The following SLC24A2 variants were observed in gnomAD, a reference collection of about 807,000 sequenced individuals.
SLC24A2 encodes solute carrier family 24 member 2, also known as sodium/potassium/calcium exchanger 2.
In SLC24A2, 36 loss-of-function variants were observed where a neutral mutation model predicts 62.0. The observed-to-expected ratio is 0.58, with a 90% CI of 0.44 to 0.77. The LOEUF (loss-of-function observed/expected upper bound fraction) is 0.77. SLC24A2 is among the 30% of genes least tolerant of loss of function. The probability of loss-of-function intolerance (pLI) is 0.00; values close to 1 mark genes in which losing one functional copy is unlikely to be tolerated. For missense variants in SLC24A2, 846 were observed against 817.9 expected (o/e 1.03, Z -0.42); for synonymous variants, 358 against 294.0 (o/e 1.22, Z -2.23).
chr9:19,755,433 C>T (rs934640291), intron 2 of SLC24A2, among the ~76,000 whole-genome samples: 5 of 152,032 alleles, frequency 3.3e-5, no homozygotes, highest in Non-Finnish European at 5.9e-5. Flanking sequence ...TTGGGAGCAA[C>T]CTTGAAGAAC....
the SLC24A2 span, among the ~76,000 whole-genome samples, chr9:19,820,574 G>T: frequency 6.6e-6 from 1 of 151,690 alleles, no homozygotes; most frequent in Admixed American, 6.6e-5. Context: ...TAAAGAGTTA[G>T]GGACTTCAGA....
chr9:20,048,965 A>G, the SLC24A2 span, among the ~76,000 whole-genome samples: 2 of 151,066 alleles, frequency 1.3e-5, no homozygotes, highest in African/African-American at 4.9e-5. Flanking sequence ...AAGTTTTAGG[A>G]TACATGTGCA....
intron 2 of SLC24A2, among the ~76,000 whole-genome samples, chr9:19,626,967 T>G (rs900743528): frequency 7.2e-5 from 11 of 152,238 alleles, no homozygotes; most frequent in African/African-American, 2.7e-4. Flanking sequence ...TCTTTCTCCC[T>G]CCTTTTACTT....
chr9:19,767,596 C>T (rs1822557279), intron 2 of SLC24A2, among the ~76,000 whole-genome samples: 1 of 152,076 alleles, frequency 6.6e-6, no homozygotes. Context: ...AAGGTGATGC[C>T]CCACCCTGCT....
the SLC24A2 span, among the ~76,000 whole-genome samples, chr9:20,285,667 A>C: frequency 2.6e-5 from 4 of 152,236 alleles, no homozygotes; most frequent in Non-Finnish European, 5.9e-5. Flanking sequence ...AAATGTACCC[A>C]GAATGTTTGA....
the SLC24A2 span, among the ~76,000 whole-genome samples, chr9:20,161,288 G>C: frequency 6.6e-6 from 1 of 151,284 alleles, no homozygotes; most frequent in Non-Finnish European, 1.5e-5. Context: ...CTTTCATAGA[G>C]GAATTCTAAT....
At chr9:19,736,999 G>C (rs987901454) in intron 2 of SLC24A2, among the ~76,000 whole-genome samples, 50 of 152,212 alleles carry the variant, frequency 3.3e-4, no homozygotes, top group African/African-American at 1.2e-3. Context: ...TGCAAATATA[G>C]TGGGAAATTT....
At chr9:19,847,800 T>C in the SLC24A2 span, among the ~76,000 whole-genome samples, 1 of 152,286 alleles carries the variant, frequency 6.6e-6, no homozygotes, top group South Asian at 2.1e-4. Flanking sequence ...CCTTGTGATT[T>C]TGACTATTTT....
intron 9 of SLC24A2, among the ~76,000 whole-genome samples, chr9:19,526,573 GT>G (rs540447049): frequency 1.3e-3 from 194 of 152,190 alleles, no homozygotes; most frequent in Admixed American, 3.9e-3. Flanking sequence ...TCTTGTTATG[GT>G]TTTGATTTAC....
the SLC24A2 span, among the ~76,000 whole-genome samples, chr9:19,977,585 C>T: frequency 2.0e-5 from 3 of 152,024 alleles, no homozygotes; most frequent in South Asian, 2.1e-4. Flanking sequence ...TTAACTTGGG[C>T]GTGACTTGCT....
At chr9:19,686,627 G>T (rs1273434569) in intron 2 of SLC24A2, among the ~76,000 whole-genome samples, 1 of 151,974 alleles carries the variant, frequency 6.6e-6, no homozygotes, top group East Asian at 1.9e-4. Context: ...TTTTATAAGG[G>T]GCTTTCTTCC....
chr9:19,507,918 A>G lies in SLC24A2; in HGVS notation c.*8235T>C, dbSNP rs1158630413. 3 of 152,242 alleles carry G rather than the reference A, an allele frequency of 2.0e-5. No homozygotes were observed. Among genetic ancestry groups the G allele is most frequent in the African/African-American group, 7.2e-5 (3 of 41,464 alleles). 9.4% of individuals were successfully genotyped at this position (152,242 alleles called of 1,614,324 possible). A position where few individuals can be genotyped will look rare whatever the true frequency, so the allele number is the denominator to read the frequency against. On this transcript the variant is annotated 3_prime_UTR_variant, in exon 11 of 11. Transcript: ENST00000341998. Reference sequence around the variant, plus strand: ...ACAAAAATGGCATTCTGATATTTTTAACATAACCTGTCTAAAAGACAGTTT... The same window carrying G: ...ACAAAAATGGCATTCTGATATTTTTGACATAACCTGTCTAAAAGACAGTTT...
At chr9:19,934,259 C>T in the SLC24A2 span, among the ~76,000 whole-genome samples, 14 of 152,298 alleles carry the variant, frequency 9.2e-5, no homozygotes, top group Non-Finnish European at 1.8e-4. This position sits in a 1 kb window ranked among gnomAD's most constrained non-coding sequence, Gnocchi z 4.1. Context: ...ACGGGGTGGC[C>T]GGGCCTCAAA....
At chr9:19,584,273 T>TAAAAAAAAAAAAA (rs5896848) in intron 5 of SLC24A2, among the ~76,000 whole-genome samples, 7 of 119,898 alleles carry the variant, frequency 5.8e-5, no homozygotes, top group East Asian at 2.5e-4. Context: ...TAGCAAATAG[T>TAAAAAAAAAAAAA]AAAAAAAAAA....
chr9:19,636,554 C>T (rs1041352863), intron 2 of SLC24A2, among the ~76,000 whole-genome samples: 8 of 151,420 alleles, frequency 5.3e-5, no homozygotes, highest in African/African-American at 1.9e-4. Context: ...CCTACCTCAG[C>T]CTCCTGAGTA....
chr9:19,561,076 C>A (rs1284977077), intron 7 of SLC24A2, among the ~76,000 whole-genome samples: 2 of 151,966 alleles, frequency 1.3e-5, no homozygotes, highest in African/African-American at 4.8e-5. Flanking sequence ...CAGGTGCCAG[C>A]CACCACACCT....
At chr9:19,676,415 T>C in intron 2 of SLC24A2, among the ~76,000 whole-genome samples, 1 of 152,234 alleles carries the variant, frequency 6.6e-6, no homozygotes, top group Non-Finnish European at 1.5e-5. Context: ...TTCCTCCCCA[T>C]GCCGTTGCCA....
At chr9:20,127,843 C>A in the SLC24A2 span, among the ~76,000 whole-genome samples, 1 of 152,110 alleles carries the variant, frequency 6.6e-6, no homozygotes, top group Admixed American at 6.6e-5. Flanking sequence ...AGTCTTGTGG[C>A]AGTTTCTTAA....
At chr9:19,558,790 A>G (rs1835239157) in intron 7 of SLC24A2, among the ~76,000 whole-genome samples, 1 of 152,164 alleles carries the variant, frequency 6.6e-6, no homozygotes, top group Non-Finnish European at 1.5e-5. Context: ...TCATTATTGG[A>G]GCATTGAAAA....
Sources: gnomAD v4.1 joint callset for allele counts (sites outside exome capture counted in the v4.1 genomes callset) on GRCh38, gnomAD v4.1.1 for gene constraint, Gnocchi (gnomAD v3.1) non-coding constraint, MANE v1.5 for transcripts, NCBI Gene and HGNC (gene_info 2026-07-23, HGNC 2026-07-21) for gene names.